SDHD: variants seen among roughly 807,000 people sequenced by gnomAD.
The protein encoded by SDHD is succinate dehydrogenase complex subunit D, also known as succinate dehydrogenase [ubiquinone] cytochrome b small subunit, mitochondrial.
In SDHD, 6 loss-of-function variants were observed where a neutral mutation model predicts 18.7. That is an observed-to-expected ratio of 0.32 (90% CI 0.18 to 0.63). The LOEUF (loss-of-function observed/expected upper bound fraction) is 0.63. Among genes scored for constraint, SDHD ranks in the 30% least tolerant of loss-of-function variants. The pLI is 0.79. For synonymous variants in SDHD, 56 were observed against 73.9 expected (o/e 0.76, Z 1.24); for missense variants, 160 against 192.7 (o/e 0.83, Z 1.00).
rs780972546 is a variant in SDHD at position 112,086,899 on chromosome 11, A to C, written c.-9A>C. On this transcript the variant is annotated 5_prime_UTR_variant, in exon 1 of 4. Transcript: ENST00000375549. The stretch of plus-strand genomic sequence containing the variant: ...GGTTGGTGGATGACCTTGAGCCCTC[A>C]GGAACGAGATGGCGGTTCTCTGGAG... 3.5e-5 allele frequency: 57 copies of C among 1,614,222 alleles called. No homozygotes were observed. The South Asian group carries it at 6.0e-4, about 17-fold the overall frequency.
rs1865831809 is a variant in SDHD at position 112,095,766 on chromosome 11, A to G, written c.*796A>G. The G allele has an allele frequency of 4.8e-6, 1 of 206,740 alleles. No individual in the cohort carries two copies. The highest frequency in any genetic ancestry group is 9.8e-6 in the Non-Finnish European group (1 of 101,890). 12.8% of individuals were successfully genotyped at this position (206,740 alleles called of 1,614,324 possible). ...AAATAATTTTTTTAAATAAAATGTT[A>G]TATAATAAAAGTGTCTTCTATGCTT... On this transcript the variant is annotated 3_prime_UTR_variant, in exon 4 of 4. Coordinates refer to ENST00000375549, the MANE Select transcript of SDHD (RefSeq NM_003002.4).
In SDHD at chr11:112,088,863, G is replaced by T. The variant is rs757084564; in HGVS notation, c.170-4G>T. 2 of 1,612,062 alleles carry T rather than the reference G, an allele frequency of 1.2e-6. No individual in the cohort carries two copies. Among genetic ancestry groups the T allele is most frequent in the Non-Finnish European group, 1.7e-6 (2 of 1,179,852 alleles). ...AACTTTTATGAATCTGGTCCTTTTT[G>T]TAGCTGGCTCCAAGGCTGCATCTCT... is the stretch of plus-strand genomic sequence containing the variant. On this transcript the variant is annotated splice_polypyrimidine_tract_variant and splice_region_variant and intron_variant, in intron 2 of 3. Transcript: ENST00000375549.
chr11:112,089,039 G>T (rs1289988043), intron 3 of SDHD, 28 bp downstream of exon 3: 1 of 1,613,570 alleles, frequency 6.2e-7, no homozygotes, highest in Non-Finnish European at 8.5e-7. Flanking sequence ...AAATATAGTT[G>T]TCTGCTCAGT....
At chr11:112,093,988 GAATT>G (rs996042206) in intron 3 of SDHD, among the ~76,000 whole-genome samples, 4 of 152,034 alleles carry the variant, frequency 2.6e-5, no homozygotes, top group African/African-American at 9.7e-5. Context: ...AATTCTTTTT[GAATT>G]AATTAAAAAT....
chr11:112,093,027 CTTTTTTTT>C (rs1161641648), intron 3 of SDHD: 9 of 135,678 alleles, frequency 6.6e-5, no homozygotes, highest in Non-Finnish European at 9.6e-5. Flanking sequence ...TATTGTATGG[CTTTTTTTT>C]TTTTTTTTTT....
chr11:112,088,037 T>C, intron 2 of SDHD, 64 bp downstream of exon 2: 1 of 1,144,848 alleles, frequency 8.7e-7, no homozygotes, highest in Middle Eastern at 1.9e-4. Flanking sequence ...CTAATGGTCA[T>C]GCCTTTAGCA....
chr11:112,095,284 G>C lies in SDHD; in HGVS notation c.*314G>C, dbSNP rs938181231. ...TTTCAATTTATCAATCTCTTAAAGA[G>C]AATCCAACTTTATTACGATTAGTAT... On this transcript the variant is annotated 3_prime_UTR_variant, in exon 4 of 4. Coordinates refer to ENST00000375549, the MANE Select transcript of SDHD (RefSeq NM_003002.4). The C allele has an allele frequency of 7.2e-6, 3 of 415,194 alleles. No homozygotes were observed. Among genetic ancestry groups the C allele is most frequent in the Middle Eastern group, 7.0e-4 (1 of 1,434 alleles). The allele number at this position is 415,194 out of a possible 1,614,324, so 25.7% of individuals were successfully genotyped here. A position where few individuals can be genotyped will look rare whatever the true frequency, so the allele number is the denominator to read the frequency against.
intron 2 of SDHD, 100 bp downstream of exon 2, chr11:112,088,073 C>G (rs915414891): frequency 7.0e-6 from 6 of 857,266 alleles, no homozygotes; most frequent in Non-Finnish European, 1.0e-5. Context: ...AGGGGGGACT[C>G]TTGTGTCCAA....
Position 112,094,845 on chromosome 11 carries a change from G to C in SDHD, c.355G>C (p.Ala119Pro). ...TGTTACTGACTATGTTCATGGGGAT[G>C]CCTTGCAGAAAGCTGCCAAGGCAGG... Reference protein sequence around the residue: ...QVVTDYVHGDALQKAAKAGLL... With the variant: ...QVVTDYVHGDPLQKAAKAGLL... The change falls in exon 4 of 4, where the codon GCC (alanine) becomes CCC (proline). Residue 119 changes from alanine to proline, a missense_variant. By Grantham distance (27) the Ala-to-Pro change is conservative. Coordinates refer to ENST00000375549, the MANE Select transcript of SDHD (RefSeq NM_003002.4). 1 of 1,612,012 alleles carries C rather than the reference G, an allele frequency of 6.2e-7. No individual in the cohort carries two copies. Among genetic ancestry groups the C allele is most frequent in the South Asian group, 1.1e-5 (1 of 90,992 alleles).
Position 112,088,864 on chromosome 11 carries a change from T to C in SDHD, c.170-3T>C. Reference sequence around the variant, plus strand: ...ACTTTTATGAATCTGGTCCTTTTTGTAGCTGGCTCCAAGGCTGCATCTCTC... The same window carrying C: ...ACTTTTATGAATCTGGTCCTTTTTGCAGCTGGCTCCAAGGCTGCATCTCTC... On this transcript the variant is annotated splice_polypyrimidine_tract_variant and splice_region_variant and intron_variant, in intron 2 of 3. Transcript: ENST00000375549. 6.2e-7 allele frequency: 1 copy of C among 1,612,168 alleles called. No homozygotes were observed. Among genetic ancestry groups the C allele is most frequent in the Non-Finnish European group, 8.5e-7 (1 of 1,179,874 alleles).
At chr11:112,091,628 C>T (rs1038585126) in intron 3 of SDHD, among the ~76,000 whole-genome samples, 11 of 152,174 alleles carry the variant, frequency 7.2e-5, no homozygotes, top group Admixed American at 3.3e-4. Flanking sequence ...GGCCAAATCG[C>T]TCTTTTTTCC....
chr11:112,093,100 T>A (rs759291000), intron 3 of SDHD: 1 of 353,822 alleles, frequency 2.8e-6, no homozygotes, highest in Non-Finnish European at 5.7e-6. Context: ...AATGGTGCGA[T>A]CTTGGCTCGG....
rs979655018 is a variant in SDHD at position 112,094,677 on chromosome 11, G to A, written c.315-128G>A. 2.1e-5 allele frequency: 16 copies of A among 779,420 alleles called. No individual in the cohort carries two copies. The African/African-American group carries it at 2.6e-4, about 13-fold the overall frequency. 48.3% of individuals were successfully genotyped at this position (779,420 alleles called of 1,614,324 possible). A position where few individuals can be genotyped will look rare whatever the true frequency, so the allele number is the denominator to read the frequency against. ...TCCCCTAAAGAAGCAAACAGTGACA[G>A]TGGAGTGGCAAATGGAGACATTGCA... On this transcript the variant is annotated intron_variant, in intron 3 of 3. Coordinates refer to ENST00000375549, the MANE Select transcript of SDHD (RefSeq NM_003002.4).
intron 1 of SDHD, among the ~76,000 whole-genome samples, chr11:112,087,556 T>C (rs1865641043): frequency 2.0e-5 from 3 of 152,116 alleles, no homozygotes; most frequent in African/African-American, 7.2e-5. Context: ...TCAAGAACTG[T>C]TAAAGAGATA....
rs755475561 is a variant in SDHD, at chr11:112,089,028, CA to C, written c.314+20del. Reference sequence around the variant, plus strand: ...TGGTCACTGGCAAGTATAGCAATTCCAAATATAGTTGTCTGCTCAGTTTGTT... The same window carrying C: ...TGGTCACTGGCAAGTATAGCAATTCCAATATAGTTGTCTGCTCAGTTTGTT... On this transcript the variant is annotated intron_variant, in intron 3 of 3. Transcript: ENST00000375549. The C allele has an allele frequency of 7.7e-5, 124 of 1,613,840 alleles. No homozygotes were observed. Among genetic ancestry groups the C allele is most frequent in the Middle Eastern group, 6.6e-4 (4 of 6,058 alleles).
intron 2 of SDHD, 49 bp downstream of exon 2, chr11:112,088,022 C>T (rs774066569): frequency 1.6e-6 from 2 of 1,267,002 alleles, no homozygotes; most frequent in Non-Finnish European, 2.3e-6. Flanking sequence ...CCATCTTTAC[C>T]TTCACTAATG....
chr11:112,089,673 C>CT (rs1865708567), intron 3 of SDHD, among the ~76,000 whole-genome samples: 2 of 152,146 alleles, frequency 1.3e-5, no homozygotes, highest in Non-Finnish European at 2.9e-5. Flanking sequence ...GCCTGAAACT[C>CT]TTTTTCTAGC....
At chr11:112,090,364 G>T (rs1041998803) in intron 3 of SDHD, among the ~76,000 whole-genome samples, 19 of 152,180 alleles carry the variant, frequency 1.2e-4, no homozygotes, top group African/African-American at 4.6e-4. Context: ...GCCCGCTTCA[G>T]CCTCCTAAAG....
chr11:112,088,490 G>A (rs939948652), intron 2 of SDHD: 1 of 348,548 alleles, frequency 2.9e-6, no homozygotes, highest in Non-Finnish European at 5.5e-6. Flanking sequence ...TGCTGGGATT[G>A]CAGGCGTGAG....
Sources: gnomAD v4.1 joint callset for allele counts (sites outside exome capture counted in the v4.1 genomes callset) on GRCh38, gnomAD v4.1.1 for gene constraint, MANE v1.5 for transcripts, NCBI Gene and HGNC (gene_info 2026-07-23, HGNC 2026-07-21) for gene names.